Variants in FREM3 observed in about 807,000 individuals in gnomAD.
FREM3 encodes the protein FRAS1 related extracellular matrix 3, also known as FRAS1-related extracellular matrix protein 3.
A neutral mutation model predicts 129.1 loss-of-function variants in FREM3; 105 were observed. The observed-to-expected ratio is 0.81, with a 90% CI of 0.69 to 0.96. FREM3 has a LOEUF of 0.96. Ranked by LOEUF, FREM3 falls within the 40% of genes least tolerant of loss-of-function variation. The pLI, the probability that FREM3 is intolerant of heterozygous loss-of-function variation, is 0.00. For missense variants in FREM3, 2,593 were observed against 2,666.3 expected (o/e 0.97, Z 0.61); for synonymous variants, 1,014 against 1,044.9 (o/e 0.97, Z 0.57).
intron 6 of FREM3, among the ~76,000 whole-genome samples, chr4:143,604,083 T>G (rs997720143): frequency 6.6e-6 from 1 of 152,038 alleles, no homozygotes; most frequent in African/African-American, 2.4e-5. Context: ...GCTGTATGAG[T>G]ACCCACATGA....
chr4:143,640,010 G>A (rs1013210009), intron 2 of FREM3, among the ~76,000 whole-genome samples: 12 of 152,096 alleles, frequency 7.9e-5, no homozygotes, highest in Non-Finnish European at 1.8e-4. Flanking sequence ...GAGCACACAG[G>A]CCAGCGATAC....
intron 6 of FREM3, among the ~76,000 whole-genome samples, chr4:143,609,686 A>C (rs542124590): frequency 5.2e-4 from 68 of 131,766 alleles, no homozygotes; most frequent in African/African-American, 1.6e-3. Flanking sequence ...ACATAATGCC[A>C]TGTCATCATT....
At chr4:143,614,658 T>C (rs952151099) in intron 5 of FREM3, among the ~76,000 whole-genome samples, 2 of 152,230 alleles carry the variant, frequency 1.3e-5, no homozygotes, top group Non-Finnish European at 2.9e-5. Context: ...ATGGGTTTAG[T>C]TCTCCAAAAT....
chr4:143,637,712 C>T (rs1264603917), intron 2 of FREM3, among the ~76,000 whole-genome samples: 1 of 152,008 alleles, frequency 6.6e-6, no homozygotes, highest in Non-Finnish European at 1.5e-5. Context: ...TACAAAATAA[C>T]CCATAGGTTT....
intron 2 of FREM3, among the ~76,000 whole-genome samples, chr4:143,673,465 A>G (rs1740042166): frequency 6.6e-6 from 1 of 152,152 alleles, no homozygotes; most frequent in South Asian, 2.1e-4. Flanking sequence ...TTCGTCTCAG[A>G]GGGGTACCCG....
rs892600716 is a variant in FREM3, at chr4:143,695,976, G to A, written c.4700C>T (p.Thr1567Ile). 1.3e-6 allele frequency: 2 copies of A among 1,537,824 alleles called. No individual in the cohort carries two copies. The highest frequency in any genetic ancestry group is 1.7e-6 in the Non-Finnish European group (2 of 1,147,040). Residue 1567 changes from threonine to isoleucine, a missense_variant, in exon 1 of 8, where the codon ACC (threonine) becomes ATC (isoleucine). Physicochemically the swap from Thr to Ile is moderately conservative, Grantham distance 89. Coordinates refer to ENST00000329798, the MANE Select transcript of FREM3 (RefSeq NM_001168235.2). The part of the protein sequence containing the change: ...LLELTVEDSD[T>I]PDDLILFTIT... Reference sequence around the variant, plus strand: ...GGTAAAGAGAATAAGGTCATCTGGGGTATCACTGTCTTCCACTGTCAACTC... The same window carrying A: ...GGTAAAGAGAATAAGGTCATCTGGGATATCACTGTCTTCCACTGTCAACTC...
chr4:143,625,073 AAAC>A (rs962963758), intron 3 of FREM3, among the ~76,000 whole-genome samples: 12 of 152,160 alleles, frequency 7.9e-5, no homozygotes, highest in Admixed American at 2.6e-4. Context: ...TGAAGATACG[AAAC>A]AACAACAACA....
intron 2 of FREM3, among the ~76,000 whole-genome samples, chr4:143,670,317 A>G (rs934804043): frequency 1.3e-5 from 2 of 152,204 alleles, no homozygotes; most frequent in African/African-American, 2.4e-5. Context: ...ATACATGCTA[A>G]CTAGCCATTC....
chr4:143,634,751 G>A (rs375791448), intron 2 of FREM3, among the ~76,000 whole-genome samples: 16 of 152,026 alleles, frequency 1.1e-4, no homozygotes, highest in Non-Finnish European at 2.1e-4. Context: ...ACGAAGGCTC[G>A]TTGTGTGAGG....
At chr4:143,664,759 C>A (rs1257763044) in intron 2 of FREM3, among the ~76,000 whole-genome samples, 1 of 152,180 alleles carries the variant, frequency 6.6e-6, no homozygotes, top group Non-Finnish European at 1.5e-5. Context: ...AGCTTCCCAG[C>A]TGCTTTGTTT....
At chr4:143,619,430 T>C (rs1452454420) in intron 5 of FREM3, among the ~76,000 whole-genome samples, 1 of 152,182 alleles carries the variant, frequency 6.6e-6, no homozygotes, top group Non-Finnish European at 1.5e-5. Context: ...TGTCTTGCTG[T>C]GCGCAAGCAG....
At position 143,700,616 on chromosome 4, in the gene FREM3, G is replaced by A; in HGVS notation, c.60C>T (p.Ala20=). 6.9e-7 allele frequency: 1 copy of A among 1,454,304 alleles called. No individual in the cohort carries two copies. The highest frequency in any genetic ancestry group is 9.0e-7 in the Non-Finnish European group (1 of 1,105,490). The allele number at this position is 1,454,304 out of a possible 1,614,324, so 90.1% of individuals were successfully genotyped here. Residue 20 remains alanine (A), a synonymous_variant, in exon 1 of 8, where the codon GCC becomes GCT. Coordinates refer to ENST00000329798, the MANE Select transcript of FREM3 (RefSeq NM_001168235.2). ...GTPRQLLVAL[A]CLLLSRPALQ... ...GCGCGGGGCGACTCAAGAGCAGGCA[G>A]GCGAGCGCCACAAGGAGCTGCCGGG...
chr4:143,694,020 G>T (rs1740522344), intron 1 of FREM3, among the ~76,000 whole-genome samples: 1 of 152,204 alleles, frequency 6.6e-6, no homozygotes, highest in Non-Finnish European at 1.5e-5. Flanking sequence ...GGAGGAAGGA[G>T]CAGAGCAGAA....
chr4:143,594,821 C>G (rs1266156173), intron 6 of FREM3, among the ~76,000 whole-genome samples: 1 of 152,206 alleles, frequency 6.6e-6, no homozygotes, highest in Non-Finnish European at 1.5e-5. Context: ...ACAGAGAAAA[C>G]AGCTCCTCCA....
intron 6 of FREM3, among the ~76,000 whole-genome samples, chr4:143,592,374 G>A (rs1339523955): frequency 6.6e-6 from 1 of 151,220 alleles, no homozygotes; most frequent in Admixed American, 6.6e-5. Flanking sequence ...TGCAGTGGCT[G>A]GTACTGGTTG....
At chr4:143,590,908 A>C (rs1173249299) in intron 6 of FREM3, among the ~76,000 whole-genome samples, 1 of 152,114 alleles carries the variant, frequency 6.6e-6, no homozygotes, top group East Asian at 1.9e-4. Context: ...TATTGCCTCA[A>C]TTTCAGATTC....
Position 143,697,197 on chromosome 4 carries a change from T to C in FREM3, c.3479A>G (p.Glu1160Gly). 1 of 1,537,906 alleles carries C rather than the reference T, an allele frequency of 6.5e-7. No individual in the cohort carries two copies. Among genetic ancestry groups the C allele is most frequent in the Non-Finnish European group, 8.7e-7 (1 of 1,147,040 alleles). The change falls in exon 1 of 8, where the codon GAG becomes GGG. Residue 1160 changes from glutamate (E) to glycine (G), a missense_variant. Coordinates refer to ENST00000329798, the MANE Select transcript of FREM3 (RefSeq NM_001168235.2). ...AAAGGTGAATTGGTCCTCTTGTGGC[T>C]CTACTCCCTTGTGAATACTCTGTAC... ...NYVQSIHKGVEPQEDQFTFYC... is the reference protein window; with the variant it reads ...NYVQSIHKGVGPQEDQFTFYC...
rs1235241292 is a variant in FREM3 at position 143,675,217 on chromosome 4, G to C, written c.5275+17896C>G. 2.6e-5 allele frequency among the ~76,000 whole-genome samples: 4 copies of C among 152,094 alleles called. No individual in the cohort carries two copies. The East Asian group carries it at 5.8e-4, about 22-fold the overall frequency. ...CTCAGACCACAGTGCAATCAAACTAGAACTCAGGATTAAGAAACTCACTCA... is the reference window on the plus strand; with the variant it reads ...CTCAGACCACAGTGCAATCAAACTACAACTCAGGATTAAGAAACTCACTCA... On this transcript the variant is annotated intron_variant, in intron 2 of 7. Transcript: ENST00000329798.
chr4:143,685,409 A>T (rs1183551864), intron 2 of FREM3, among the ~76,000 whole-genome samples: 1 of 152,166 alleles, frequency 6.6e-6, no homozygotes, highest in Non-Finnish European at 1.5e-5. Flanking sequence ...AGCATCATAT[A>T]TGAAGGAAAG....
Sources: gnomAD v4.1 joint callset for allele counts (sites outside exome capture counted in the v4.1 genomes callset) on GRCh38, gnomAD v4.1.1 for gene constraint, MANE v1.5 for transcripts, NCBI Gene and HGNC (gene_info 2026-07-23, HGNC 2026-07-21) for gene names.